The following HDAC9 variants were observed in gnomAD, a reference collection of about 807,000 sequenced individuals.
HDAC9 encodes MEF-2 interacting transcription repressor (MITR) protein.
HDAC9 carries 41 observed loss-of-function variants against 139.4 expected under a neutral mutation model. The observed-to-expected ratio is 0.29, with a 90% confidence interval of 0.23 to 0.38. The LOEUF (loss-of-function observed/expected upper bound fraction) is 0.38. Among genes scored for constraint, HDAC9 ranks in the 10% least tolerant of loss-of-function variants. The probability of loss-of-function intolerance (pLI) is 1.00; values close to 1 mark genes in which losing one functional copy is unlikely to be tolerated. For synonymous variants in HDAC9, 517 were observed against 476.2 expected, an observed-to-expected ratio of 1.09 and a Z score of -1.12; for missense variants, 1,147 against 1,297.0, an observed-to-expected ratio of 0.88 and a Z score of 1.78.
chr7:18,762,103 T>G, intron 14 of HDAC9, 54 bp from the exon 15 acceptor site: 1 of 1,606,962 alleles, frequency 6.2e-7, no homozygotes, highest in Non-Finnish European at 8.5e-7. Context: ...GGGGTCTCAT[T>G]TTCTTCTAAA....
rs1331030010 is a variant in HDAC9 at position 18,619,558 on chromosome 7, A to G, written c.665-9792A>G. Among the ~76,000 whole-genome samples the G allele has an allele frequency of 4.6e-5, 7 of 152,284 alleles. No homozygotes were observed. The East Asian group carries it at 1.4e-3, about 29-fold the overall frequency. ...AGGCTATTTCTTTAACTTGACTATG[A>G]AAGTGCAATCACAGGAAGTAGCTCA... On this transcript the variant is annotated intron_variant, in intron 6 of 25. Transcript: ENST00000686413.
chr7:18,640,170 G>A (rs1323896192), intron 8 of HDAC9, among the ~76,000 whole-genome samples: 2 of 151,304 alleles, frequency 1.3e-5, no homozygotes, highest in Non-Finnish European at 2.9e-5. Flanking sequence ...GGCTGAGGTG[G>A]GAGGATAACT....
intron 25 of HDAC9, among the ~76,000 whole-genome samples, chr7:18,993,139 ATTTTT>A (rs1265018782): frequency 3.8e-5 from 1 of 26,420 alleles, no homozygotes; most frequent in Non-Finnish European, 8.9e-5. Flanking sequence ...ATGTAGACAT[ATTTTT>A]TGATTATATG....
intron 2 of HDAC9, among the ~76,000 whole-genome samples, chr7:18,178,448 G>A (rs920814278): frequency 6.6e-6 from 1 of 152,210 alleles, no homozygotes; most frequent in Non-Finnish European, 1.5e-5. Flanking sequence ...GGTAGTCATT[G>A]TTTGCAAGAC....
intron 21 of HDAC9, among the ~76,000 whole-genome samples, chr7:18,839,085 T>A (rs1796421954): frequency 6.6e-6 from 1 of 152,090 alleles, no homozygotes; most frequent in African/African-American, 2.4e-5. Context: ...AATTGAAGGG[T>A]ATACTTAAGA....
intron 1 of HDAC9, among the ~76,000 whole-genome samples, chr7:18,490,424 T>C (rs1441780510): frequency 1.3e-5 from 2 of 152,006 alleles, no homozygotes; most frequent in Non-Finnish European, 2.9e-5. Context: ...ATTCTAAAGT[T>C]TTTGTTGTCG....
At chr7:18,832,664 A>T (rs1250408052) in intron 19 of HDAC9, among the ~76,000 whole-genome samples, 1 of 152,174 alleles carries the variant, frequency 6.6e-6, no homozygotes, top group African/African-American at 2.4e-5. Context: ...CAAGCTTTAG[A>T]TCATACCTGA....
chr7:18,138,356 T>A (rs573742503), intron 1 of HDAC9, among the ~76,000 whole-genome samples: 1 of 152,180 alleles, frequency 6.6e-6, no homozygotes, highest in South Asian at 2.1e-4. Flanking sequence ...CAAGGACATC[T>A]TCTGCTGGTG....
intron 1 of HDAC9, among the ~76,000 whole-genome samples, chr7:18,360,640 T>G (rs1443952025): frequency 6.6e-6 from 1 of 152,196 alleles, no homozygotes; most frequent in African/African-American, 2.4e-5. Flanking sequence ...ATTTCCATAT[T>G]CTTTCCTCAA....
intron 2 of HDAC9, among the ~76,000 whole-genome samples, chr7:18,182,219 A>AT (rs1252358557): frequency 6.6e-6 from 1 of 152,086 alleles, no homozygotes; most frequent in African/African-American, 2.4e-5. Flanking sequence ...GTGAAGGTAT[A>AT]TTTTTTCAAG....
intron 2 of HDAC9, among the ~76,000 whole-genome samples, chr7:18,532,989 C>A (rs929791099): frequency 6.6e-6 from 1 of 152,102 alleles, no homozygotes; most frequent in Non-Finnish European, 1.5e-5. Context: ...TGCACACACA[C>A]AAATATGTAC....
intron 22 of HDAC9, among the ~76,000 whole-genome samples, chr7:18,893,889 A>T (rs1293912589): frequency 6.6e-6 from 1 of 152,198 alleles, no homozygotes; most frequent in Non-Finnish European, 1.5e-5. Context: ...AGGGAGGAAC[A>T]TTGTAGGCAT....
intron 8 of HDAC9, among the ~76,000 whole-genome samples, chr7:18,636,247 C>T (rs1316267782): frequency 6.6e-6 from 1 of 152,076 alleles, no homozygotes; most frequent in Admixed American, 6.6e-5. Flanking sequence ...ATCTATGTTA[C>T]ATTGATTAGT....
chr7:18,386,957 A>G (rs1405935614), intron 1 of HDAC9, among the ~76,000 whole-genome samples: 1 of 152,076 alleles, frequency 6.6e-6, no homozygotes, highest in Admixed American at 6.6e-5. Context: ...CACCTCCCGC[A>G]ATGTGGCAGC....
intron 16 of HDAC9, among the ~76,000 whole-genome samples, chr7:18,776,991 G>A (rs1790824303): frequency 1.3e-5 from 2 of 149,814 alleles, no homozygotes; most frequent in African/African-American, 4.9e-5. Flanking sequence ...TTGAGGTGTG[G>A]CAATAGATGA....
At chr7:18,747,715 T>G (rs933318321) in intron 13 of HDAC9, among the ~76,000 whole-genome samples, 3 of 152,170 alleles carry the variant, frequency 2.0e-5, no homozygotes, top group Non-Finnish European at 4.4e-5. Context: ...TGAAGCCATT[T>G]GAGTCCTAAG....
chr7:18,444,630 C>CT (rs36119549), intron 1 of HDAC9, among the ~76,000 whole-genome samples: 5,053 of 151,968 alleles, frequency 0.033, 103 homozygotes, highest in African/African-American at 0.061. Flanking sequence ...TTTGCCAGAA[C>CT]TTTTTTCTTC....
intron 1 of HDAC9, among the ~76,000 whole-genome samples, chr7:18,110,763 C>G (rs1030465450): frequency 6.6e-6 from 1 of 152,118 alleles, no homozygotes; most frequent in Admixed American, 6.5e-5. Context: ...GGGCCAGGAG[C>G]TTGGGAGGCT....
At chr7:18,739,760 A>T (rs1472952448) in intron 13 of HDAC9, among the ~76,000 whole-genome samples, 1 of 152,200 alleles carries the variant, frequency 6.6e-6, no homozygotes, top group Non-Finnish European at 1.5e-5. Flanking sequence ...CCATTCTCAG[A>T]GCTCAAATGC....
Sources: gnomAD v4.1 joint callset for allele counts (sites outside exome capture counted in the v4.1 genomes callset) on GRCh38, gnomAD v4.1.1 for gene constraint, MANE v1.5 for transcripts, NCBI Gene and HGNC (gene_info 2026-07-23, HGNC 2026-07-21) for gene names.